NRG3: variants seen among roughly 807,000 people sequenced by gnomAD.
The protein encoded by NRG3 is pro-neuregulin-3, membrane-bound isoform.
A neutral mutation model predicts 66.9 loss-of-function variants in NRG3; 31 were observed. The observed-to-expected ratio is 0.46, with a 90% CI of 0.35 to 0.63. NRG3 has a LOEUF of 0.63. Ranked by LOEUF, NRG3 falls within the 20% of genes least tolerant of loss-of-function variation. The pLI, the probability that NRG3 is intolerant of heterozygous loss-of-function variation, is 0.00. For missense variants in NRG3, 910 were observed against 878.9 expected, an observed-to-expected ratio of 1.04 and a Z score of -0.45; for synonymous variants, 393 against 359.4, an observed-to-expected ratio of 1.09 and a Z score of -1.06.
intron 2 of NRG3, among the ~76,000 whole-genome samples, chr10:82,678,668 A>C (rs945606341): frequency 6.6e-6 from 1 of 152,012 alleles, no homozygotes; most frequent in Non-Finnish European, 1.5e-5. Flanking sequence ...GTCGCCTGAC[A>C]TTCTTAGATT....
intron 2 of NRG3, among the ~76,000 whole-genome samples, chr10:82,669,363 C>A (rs1031632878): frequency 6.6e-6 from 1 of 151,632 alleles, no homozygotes; most frequent in Non-Finnish European, 1.5e-5. Context: ...TGGGGCAATG[C>A]GCAGTTTTCT....
chr10:82,756,133 T>C (rs1316354335), intron 3 of NRG3, among the ~76,000 whole-genome samples: 1 of 152,052 alleles, frequency 6.6e-6, no homozygotes, highest in East Asian at 1.9e-4. Context: ...GCCAAAGTTC[T>C]CTCCAGATAT....
chr10:82,803,377 G>T (rs530227434), intron 3 of NRG3, among the ~76,000 whole-genome samples: 1 of 152,188 alleles, frequency 6.6e-6, no homozygotes, highest in African/African-American at 2.4e-5. Context: ...TGACAGAATA[G>T]ATAGGGAAAT....
At chr10:82,361,228 T>C (rs542580892) in intron 2 of NRG3, among the ~76,000 whole-genome samples, 207 of 152,238 alleles carry the variant, frequency 1.4e-3, no homozygotes, top group Non-Finnish European at 2.3e-3. Flanking sequence ...ACATATTTAA[T>C]AATTTTGGCC....
chr10:82,322,163 G>A lies in NRG3; in HGVS notation c.824-36576G>A, dbSNP rs1393891446. Among the ~76,000 whole-genome samples the A allele has an allele frequency of 4.6e-5, 7 of 152,152 alleles. No homozygotes were observed. The East Asian group carries it at 9.6e-4, about 21-fold the overall frequency. Reference sequence around the variant, plus strand: ...ATGCATAGAGGCAACATCAAAATACGAATGCCTTGCAAAAGATTGCCTATG... The same window carrying A: ...ATGCATAGAGGCAACATCAAAATACAAATGCCTTGCAAAAGATTGCCTATG... On this transcript the variant is annotated intron_variant, in intron 1 of 8. Transcript: ENST00000372141.
At chr10:82,188,228 A>G (rs779257289) in intron 1 of NRG3, among the ~76,000 whole-genome samples, 5 of 152,170 alleles carry the variant, frequency 3.3e-5, no homozygotes, top group Non-Finnish European at 7.3e-5. Flanking sequence ...AGTCACTTCA[A>G]TAAGTGGTGC....
At chr10:82,180,892 A>G (rs73304604) in intron 1 of NRG3, among the ~76,000 whole-genome samples, 3,407 of 151,688 alleles carry the variant, frequency 0.022, 126 homozygotes, top group African/African-American at 0.078. Context: ...TCCTTGTTGG[A>G]TAGTTTTTTG....
At chr10:82,408,087 GAAAGAAAGAAAGAA>G (rs1564888116) in intron 2 of NRG3, among the ~76,000 whole-genome samples, 14 of 61,218 alleles carry the variant, frequency 2.3e-4, no homozygotes, top group East Asian at 1.6e-3. Context: ...GAGAGAGACA[GAAAGAAAGAAAGAA>G]AGAAAGAAAG....
At chr10:82,952,015 G>A (rs908768029) in intron 5 of NRG3, among the ~76,000 whole-genome samples, 3 of 152,184 alleles carry the variant, frequency 2.0e-5, no homozygotes, top group Non-Finnish European at 4.4e-5. Flanking sequence ...TTAGGCAAAT[G>A]TGGAATATGA....
intron 2 of NRG3, among the ~76,000 whole-genome samples, chr10:82,666,857 A>G (rs972473944): frequency 2.4e-4 from 37 of 152,180 alleles, no homozygotes; most frequent in African/African-American, 8.2e-4. Flanking sequence ...TCATTTTTAT[A>G]CTTGGATATG....
At chr10:81,883,005 T>G (rs2132489810) in intron 1 of NRG3, among the ~76,000 whole-genome samples, 1 of 152,298 alleles carries the variant, frequency 6.6e-6, no homozygotes, top group East Asian at 1.9e-4. Flanking sequence ...TCCTGAATGA[T>G]CTGGAAATCT....
At chr10:82,725,656 C>A (rs759043614) in intron 2 of NRG3, among the ~76,000 whole-genome samples, 1 of 152,124 alleles carries the variant, frequency 6.6e-6, no homozygotes, top group East Asian at 1.9e-4. Context: ...AAATACAGTA[C>A]ACCTGTTCAC....
At chr10:82,136,181 CT>C (rs1324058218) in intron 1 of NRG3, among the ~76,000 whole-genome samples, 1 of 152,184 alleles carries the variant, frequency 6.6e-6, no homozygotes, top group African/African-American at 2.4e-5. Flanking sequence ...GTTTTCTTCT[CT>C]TACTTTCCCT....
intron 2 of NRG3, among the ~76,000 whole-genome samples, chr10:82,561,517 G>A (rs2045041959): frequency 6.6e-6 from 1 of 152,154 alleles, no homozygotes; most frequent in African/African-American, 2.4e-5. Context: ...GCCGGGCATT[G>A]TGGTAGACAC....
chr10:82,959,814 C>T (rs897540337), intron 6 of NRG3, among the ~76,000 whole-genome samples: 2 of 152,178 alleles, frequency 1.3e-5, no homozygotes, highest in Admixed American at 6.5e-5. Context: ...AACTCTTTGC[C>T]TCTTACACTT....
intron 1 of NRG3, among the ~76,000 whole-genome samples, chr10:81,876,563 C>T (rs1362471472): frequency 1.3e-5 from 2 of 152,094 alleles, no homozygotes; most frequent in Non-Finnish European, 2.9e-5. Context: ...CACTGAGCCC[C>T]TTCTCCGCCC....
Position 81,995,418 on chromosome 10 carries a change from G to A in NRG3, c.823+119255G>A, listed in dbSNP as rs78508070. Among the ~76,000 whole-genome samples the A allele has an allele frequency of 5.7e-3, 871 of 152,224 alleles. 7 individuals are homozygous for A. The highest frequency in any genetic ancestry group is 0.019 in the African/African-American group (802 of 41,550). ...CTTGGTTTCATGCATGTTGTGGCCG[G>A]AATGCATGTTTACTATGGAATGCAT... On this transcript the variant is annotated intron_variant, in intron 1 of 8. Transcript: ENST00000372141.
At chr10:82,661,727 A>T (rs763884556) in intron 2 of NRG3, among the ~76,000 whole-genome samples, 8 of 152,238 alleles carry the variant, frequency 5.3e-5, no homozygotes, top group Admixed American at 6.5e-5. Context: ...ATTCATGATT[A>T]TAAAAGTCCC....
intron 1 of NRG3, among the ~76,000 whole-genome samples, chr10:82,325,123 C>T (rs1260260394): frequency 6.6e-6 from 1 of 152,002 alleles, no homozygotes; most frequent in Non-Finnish European, 1.5e-5. Flanking sequence ...TGTTATGCAT[C>T]CTTGGAGTGT....
Sources: gnomAD v4.1 joint callset for allele counts (sites outside exome capture counted in the v4.1 genomes callset) on GRCh38, gnomAD v4.1.1 for gene constraint, MANE v1.5 for transcripts, NCBI Gene and HGNC (gene_info 2026-07-23, HGNC 2026-07-21) for gene names.